The following SDC3 variants were observed in gnomAD, a reference collection of about 807,000 sequenced individuals.
SDC3 encodes the protein syndecan 3.
Under a neutral mutation model 24.4 loss-of-function variants are expected in SDC3, and 13 were observed. The ratio of observed to expected loss-of-function variants is 0.53; its 90% CI spans 0.35 to 0.85. The LOEUF is 0.85. Ranked by LOEUF, SDC3 falls within the 40% of genes least tolerant of loss-of-function variation. The pLI is 0.01. For synonymous variants in SDC3, 295 were observed against 260.9 expected, an observed-to-expected ratio of 1.13 and a Z score of -1.26; for missense variants, 571 against 584.5, an observed-to-expected ratio of 0.98 and a Z score of 0.24.
At chr1:30,881,551 T>C (rs1639745539) in intron 1 of SDC3, 1 of 152,186 alleles carries the variant, frequency 6.6e-6, no homozygotes, top group Admixed American at 6.5e-5. Flanking sequence ...CTGAACCTTC[T>C]GCTTCCGGCC....
At chr1:30,880,726 G>A (rs1449391549) in intron 1 of SDC3, 3 of 152,174 alleles carry the variant, frequency 2.0e-5, no homozygotes, top group African/African-American at 4.8e-5. Context: ...TCCCAGAGGG[G>A]ACAGAGAAAT....
Position 30,869,731 on chromosome 1 carries a change from G to C in SDC3, c.*3480C>G, listed in dbSNP as rs1379093424. ...AATAAACAGGTTACAGGGGAGAGAA[G>C]GGGCAGGGAAGGCCTGGGGGAGGGA... On this transcript the variant is annotated 3_prime_UTR_variant, in exon 5 of 5. Transcript: ENST00000339394. 2.5e-6 allele frequency: 1 copy of C among 398,546 alleles called. No individual in the cohort carries two copies. Among genetic ancestry groups the C allele is most frequent in the East Asian group, 3.6e-5 (1 of 28,078 alleles). The allele number at this position is 398,546 out of a possible 1,614,324, so 24.7% of individuals were successfully genotyped here.
chr1:30,902,090 T>A (rs998067128), intron 1 of SDC3, among the ~76,000 whole-genome samples: 9 of 151,968 alleles, frequency 5.9e-5, no homozygotes, highest in African/African-American at 2.2e-4. Context: ...AAAACAGACA[T>A]AGCACCAAGG....
Position 30,874,301 on chromosome 1 carries a change from G to T in SDC3, c.1158C>A (p.Leu386=). Residue 386 remains leucine (L), a synonymous_variant, in exon 4 of 5, where the codon CTC becomes CTA. Coordinates refer to ENST00000339394, the MANE Select transcript of SDC3 (RefSeq NM_014654.4). ...GGCCCAGACCCCAAGCCTCACCTAC[G>T]AGCACCTCCTTCCGCTCCAGGATAC... ...QKSILERKEV[L]VAVIVGGVVG... is the part of the protein sequence containing the mutation. 1 of 1,605,238 alleles carries T rather than the reference G, an allele frequency of 6.2e-7. No homozygotes were observed.
chr1:30,893,583 C>G (rs1181220625), intron 1 of SDC3, among the ~76,000 whole-genome samples: 3 of 152,064 alleles, frequency 2.0e-5, no homozygotes, highest in African/African-American at 7.2e-5. Context: ...CACCCCTCCT[C>G]CCTGCTCAGG....
Position 30,876,963 on chromosome 1 carries a change from G to A in SDC3, c.459C>T (p.Ser153=). ...TAGTGGAGACGGTGGTGGCTCTCTG[G>A]CTGGGCTCTTCCGGGACTTCTGTCA... ...LVVTEVPEEP[S]QRATTVSTTM... is the part of the protein sequence containing the mutation. The change falls in exon 3 of 5, where the codon AGC becomes AGT. Residue 153 remains serine (S), a synonymous_variant. Transcript: ENST00000339394. The A allele has an allele frequency of 6.2e-7, 1 of 1,613,726 alleles. No individual in the cohort carries two copies. Among genetic ancestry groups the A allele is most frequent in the Non-Finnish European group, 8.5e-7 (1 of 1,179,912 alleles).
intron 1 of SDC3, among the ~76,000 whole-genome samples, chr1:30,888,393 C>T (rs1315795350): frequency 2.0e-5 from 3 of 152,168 alleles, no homozygotes; most frequent in Non-Finnish European, 4.4e-5. Context: ...CCAGGGACCT[C>T]GCCAGCCCTA....
intron 1 of SDC3, among the ~76,000 whole-genome samples, chr1:30,894,529 TGA>T (rs1353614371): frequency 4.5e-4 from 48 of 107,366 alleles, no homozygotes; most frequent in Non-Finnish European, 7.4e-4. Flanking sequence ...TGTGAGTGGG[TGA>T]GAGTGTGCGT....
intron 1 of SDC3, among the ~76,000 whole-genome samples, chr1:30,893,029 C>G (rs1217617649): frequency 6.6e-6 from 1 of 152,196 alleles, no homozygotes; most frequent in East Asian, 1.9e-4. Context: ...GCCCAACAGC[C>G]AAGTTGGGCT....
In SDC3 at chr1:30,869,608, C is replaced by A; in HGVS notation, c.*3603G>T. 1 of 398,146 alleles carries A rather than the reference C, an allele frequency of 2.5e-6. No individual in the cohort carries two copies. The highest frequency in any genetic ancestry group is 4.4e-6 in the Non-Finnish European group (1 of 226,044). 24.7% of individuals were successfully genotyped at this position (398,146 alleles called of 1,614,324 possible). On this transcript the variant is annotated 3_prime_UTR_variant, in exon 5 of 5. Coordinates refer to ENST00000339394, the MANE Select transcript of SDC3 (RefSeq NM_014654.4). ...CACAAGGCTGGAACAGGAGAGTACC[C>A]GCAGTGGGGCAGGCGCCTTGGTCTC...
At chr1:30,873,858 C>T (rs908717244) in intron 4 of SDC3, among the ~76,000 whole-genome samples, 1 of 152,064 alleles carries the variant, frequency 6.6e-6, no homozygotes, top group African/African-American at 2.4e-5. Context: ...AGTGCAAAGC[C>T]AGGATTTGAA....
chr1:30,879,414 A>G (rs1639704266), intron 1 of SDC3, among the ~76,000 whole-genome samples: 1 of 152,222 alleles, frequency 6.6e-6, no homozygotes, highest in Non-Finnish European at 1.5e-5. Context: ...TCCCGTGACG[A>G]ATTGCTGGGT....
chr1:30,892,069 A>G (rs1639914228), intron 1 of SDC3, among the ~76,000 whole-genome samples: 3 of 151,816 alleles, frequency 2.0e-5, no homozygotes, highest in African/African-American at 7.3e-5. Context: ...TGCGTTCCCC[A>G]GGTATCCTGC....
At chr1:30,888,568 C>A (rs1639863878) in intron 1 of SDC3, among the ~76,000 whole-genome samples, 1 of 152,198 alleles carries the variant, frequency 6.6e-6, no homozygotes, top group African/African-American at 2.4e-5. Context: ...CCTGGGCACA[C>A]ACAGCACACA....
chr1:30,873,331 C>T lies in SDC3; in HGVS notation c.1209G>A (p.Leu403=), dbSNP rs746421780. 22 of 1,613,472 alleles carry T rather than the reference C, an allele frequency of 1.4e-5. No homozygotes were observed. The highest frequency in any genetic ancestry group is 2.2e-5 in the East Asian group (1 of 44,884). Reference sequence around the variant, plus strand: ...TCATACGATAGATGAGCAGTGTGACCAAGAAGGCAGCAAAGAGGGCGCCCA... The same window carrying T: ...TCATACGATAGATGAGCAGTGTGACTAAGAAGGCAGCAAAGAGGGCGCCCA... ...GVVGALFAAF[L]VTLLIYRMKK... The change falls in exon 5 of 5, where the codon TTG becomes TTA. Residue 403 remains leucine, a synonymous_variant. Transcript: ENST00000339394.
chr1:30,884,281 C>A (rs534924985), intron 1 of SDC3, among the ~76,000 whole-genome samples: 31 of 151,876 alleles, frequency 2.0e-4, no homozygotes, highest in African/African-American at 5.5e-4. Flanking sequence ...ACAGACCCCC[C>A]CCAAGAAAAA....
In SDC3 at chr1:30,876,774, C is replaced by CAGTGGG; in HGVS notation, c.642_647dup (p.Pro215_Leu216dup). On this transcript the variant is annotated inframe_insertion, in exon 3 of 5. Transcript: ENST00000339394. ...TGGCCCGTGCCGTAGCCACTGTGGT[C>CAGTGGG]AGTGGGAGAGGCAGAAGCCTCCGTA... 5 of 1,590,398 alleles carry CAGTGGG rather than the reference C, an allele frequency of 3.1e-6. No homozygotes were observed. Among genetic ancestry groups the CAGTGGG allele is most frequent in the Non-Finnish European group, 4.3e-6 (5 of 1,166,878 alleles).
At chr1:30,903,473 C>T (rs147247816) in intron 1 of SDC3, among the ~76,000 whole-genome samples, 2 of 152,274 alleles carry the variant, frequency 1.3e-5, no homozygotes, top group African/African-American at 4.8e-5. Flanking sequence ...GCTGACAGCC[C>T]TTCGCAGTTT....
In SDC3 at chr1:30,896,162, C is replaced by T. The variant is rs970996568; in HGVS notation, c.138+12287G>A. Reference sequence around the variant, plus strand: ...GACCAAATGTGACAACAGGGGAGAACTAGGAGTGAAACAGATTGAGGACGT... The same window carrying T: ...GACCAAATGTGACAACAGGGGAGAATTAGGAGTGAAACAGATTGAGGACGT... On this transcript the variant is annotated intron_variant, in intron 1 of 4. Transcript: ENST00000339394. Among the ~76,000 whole-genome samples, 6 of 152,086 alleles carry T rather than the reference C, an allele frequency of 3.9e-5. No homozygotes were observed. In the East Asian group the frequency reaches 1.2e-3, roughly 29 times the overall value.
Sources: allele counts gnomAD v4.1 joint callset (sites outside exome capture counted in the v4.1 genomes callset), GRCh38; gene constraint gnomAD v4.1.1; transcripts MANE v1.5; gene names NCBI Gene and HGNC (gene_info 2026-07-23, HGNC 2026-07-21).